Variants in TRMU observed in about 807,000 individuals in gnomAD.
TRMU encodes tRNA mitochondrial 2-thiouridylase.
TRMU carries 49 observed loss-of-function variants against 46.9 expected under a neutral mutation model. That is an observed-to-expected ratio of 1.05 (90% CI 0.83 to 1.33). TRMU has a LOEUF of 1.33. Ranked by LOEUF, TRMU falls within the 40% of genes most tolerant of loss-of-function variation. The probability of loss-of-function intolerance (pLI) is 0.00; values close to 1 mark genes in which losing one functional copy is unlikely to be tolerated. For missense variants in TRMU, 572 were observed against 532.4 expected (o/e 1.07, Z -0.73); for synonymous variants, 241 against 200.9 (o/e 1.20, Z -1.69).
rs2078279495 is a variant in TRMU at position 46,347,119 on chromosome 22, C to T, written c.478+575C>T. On this transcript the variant is annotated intron_variant, in intron 4 of 10. Transcript: ENST00000645190. This position sits in a 1 kb window ranked among gnomAD's most constrained non-coding sequence, Gnocchi z 5.0. ...CTGCTGGCCTGTCCTGGTGTACATT[C>T]GTGTGTAGAAAAGAGGAATTCCCTG... 2.0e-5 allele frequency among the ~76,000 whole-genome samples: 3 copies of T among 152,152 alleles called. No homozygotes were observed. Among genetic ancestry groups the T allele is most frequent in the African/African-American group, 4.8e-5 (2 of 41,420 alleles).
chr22:46,354,097 A>AC (rs1431927609), intron 8 of TRMU: 5 of 483,380 alleles, frequency 1.0e-5, no homozygotes, highest in African/African-American at 9.8e-5. Context: ...TCATCCCTGA[A>AC]CCCCGATACA....
intron 8 of TRMU, chr22:46,354,144 C>T (rs1050037285): frequency 7.5e-5 from 29 of 386,694 alleles, no homozygotes; most frequent in Admixed American, 2.6e-4. Flanking sequence ...AAGAGGACAG[C>T]GACGCCCAGA....
rs893711851 is a variant in TRMU at position 46,339,807 on chromosome 22, T to C, written c.248+1863T>C. Among the ~76,000 whole-genome samples, 8 of 152,174 alleles carry C rather than the reference T, an allele frequency of 5.3e-5. No individual in the cohort carries two copies. Among genetic ancestry groups the C allele is most frequent in the Admixed American group, 3.3e-4 (5 of 15,286 alleles). On this transcript the variant is annotated intron_variant, in intron 2 of 10. Coordinates refer to ENST00000645190, the MANE Select transcript of TRMU (RefSeq NM_018006.5). This position sits in a 1 kb window ranked among gnomAD's most constrained non-coding sequence, Gnocchi z 4.8. The stretch of plus-strand genomic sequence containing the variant: ...ATGGGTGTCGTATATATTAACAACA[T>C]GGACAAAACTGATGGCTGAATTTTC...
rs59115771 is a variant in TRMU, at chr22:46,350,959, G to A, written c.651+496G>A. Reference sequence around the variant, plus strand: ...ACAGTTCCATCTTCGCCTCCATGGAGCCCGCCCGCGAGTGGGGGACACAGG... The same window carrying A: ...ACAGTTCCATCTTCGCCTCCATGGAACCCGCCCGCGAGTGGGGGACACAGG... On this transcript the variant is annotated intron_variant, in intron 5 of 10. Coordinates refer to ENST00000645190, the MANE Select transcript of TRMU (RefSeq NM_018006.5). This position sits in a 1 kb window ranked among gnomAD's most constrained non-coding sequence, Gnocchi z 4.6. 0.063 allele frequency among the ~76,000 whole-genome samples: 9,636 copies of A among 152,310 alleles called. 380 individuals carry two copies. Among genetic ancestry groups the A allele is most frequent in the African/African-American group, 0.094 (3,916 of 41,568 alleles).
Position 46,352,257 on chromosome 22 carries a change from T to C in TRMU, c.706-7T>C. On this transcript the variant is annotated splice_region_variant and splice_polypyrimidine_tract_variant and intron_variant, in intron 6 of 10. Coordinates refer to ENST00000645190, the MANE Select transcript of TRMU (RefSeq NM_018006.5). ...TCTCCGTCGGTAATGACATGTTTGT[T>C]TTCCAGTATCTGCAGCCTCGACCTG... 1 of 1,614,170 alleles carries C rather than the reference T, an allele frequency of 6.2e-7. No individual in the cohort carries two copies. The highest frequency in any genetic ancestry group is 1.1e-5 in the South Asian group (1 of 91,088).
Position 46,351,693 on chromosome 22 carries a change from A to C in TRMU, c.652-428A>C. ...CACCCAGGCTCCCCAGCTAGGGCAG[A>C]TGTGCTTGAGGAAGGCGCCTCTCTC... On this transcript the variant is annotated intron_variant, in intron 5 of 10. Transcript: ENST00000645190. The surrounding 1 kb of genome is among the most constrained non-coding windows in gnomAD (Gnocchi z 6.4). 1 of 316,222 alleles carries C rather than the reference A, an allele frequency of 3.2e-6. No individual in the cohort carries two copies. Among genetic ancestry groups the C allele is most frequent in the Non-Finnish European group, 6.2e-6 (1 of 161,570 alleles). 19.6% of individuals were successfully genotyped at this position (316,222 alleles called of 1,614,324 possible).
At position 46,350,913 on chromosome 22, in the gene TRMU, C is replaced by T. The variant is rs1282132919; in HGVS notation, c.651+450C>T. On this transcript the variant is annotated intron_variant, in intron 5 of 10. Transcript: ENST00000645190. This position sits in a 1 kb window ranked among gnomAD's most constrained non-coding sequence, Gnocchi z 4.6. ...GTTCGGGCGCTGTGCTGCTGGGCCG[C>T]GAGGAATTGGTGACGCGCACACAGT... is the stretch of plus-strand genomic sequence containing the variant. 1.3e-5 allele frequency among the ~76,000 whole-genome samples: 2 copies of T among 152,170 alleles called. No individual in the cohort carries two copies. The highest frequency in any genetic ancestry group is 6.5e-5 in the Admixed American group (1 of 15,282).
intron 2 of TRMU, among the ~76,000 whole-genome samples, chr22:46,340,407 T>C (rs1319279140): frequency 2.0e-5 from 3 of 152,222 alleles, no homozygotes; most frequent in Non-Finnish European, 4.4e-5. Context: ...ACACTTCACC[T>C]GCCAGCACAG....
chr22:46,337,787 G>A lies in TRMU; in HGVS notation c.91G>A (p.Val31Met). The A allele has an allele frequency of 6.2e-7, 1 of 1,614,248 alleles. No individual in the cohort carries two copies. The highest frequency in any genetic ancestry group is 8.5e-7 in the Non-Finnish European group (1 of 1,180,048). The change falls in exon 2 of 11, where the codon GTG becomes ATG. Residue 31 changes from valine (V) to methionine (M), a missense_variant. Physicochemically the swap from Val to Met is conservative, Grantham distance 21. Coordinates refer to ENST00000645190, the MANE Select transcript of TRMU (RefSeq NM_018006.5). ...ALLLRRRGYQ[V>M]TGVFMKNWDS... ...GACCTTCCCGCCCGCAGGTTACCAG[G>A]TGACAGGGGTGTTTATGAAGAACTG...
chr22:46,346,419 C>T lies in TRMU; in HGVS notation c.356-3C>T. 6.2e-7 allele frequency: 1 copy of T among 1,612,258 alleles called. No individual in the cohort carries two copies. The highest frequency in any genetic ancestry group is 2.2e-5 in the East Asian group (1 of 44,832). On this transcript the variant is annotated splice_polypyrimidine_tract_variant and splice_region_variant and intron_variant, in intron 3 of 10. Coordinates refer to ENST00000645190, the MANE Select transcript of TRMU (RefSeq NM_018006.5). ...TGATCCTTGTGTTCTAAAAACCTCA[C>T]AGGGGCAGATGCCATTGCCACAGGT...
chr22:46,355,680 G>GA, intron 9 of TRMU, 92 bp downstream of exon 9: 1 of 1,595,558 alleles, frequency 6.3e-7, no homozygotes, highest in Non-Finnish European at 8.6e-7. Context: ...CCTGGGGTAG[G>GA]AAAGTCCCGT....
Position 46,348,525 on chromosome 22 carries a change from G to A in TRMU, c.479-1766G>A, listed in dbSNP as rs913949471. Among the ~76,000 whole-genome samples, 3 of 152,194 alleles carry A rather than the reference G, an allele frequency of 2.0e-5. No individual in the cohort carries two copies. Among genetic ancestry groups the A allele is most frequent in the Admixed American group, 1.3e-4 (2 of 15,286 alleles). On this transcript the variant is annotated intron_variant, in intron 4 of 10. Transcript: ENST00000645190. This position sits in a 1 kb window ranked among gnomAD's most constrained non-coding sequence, Gnocchi z 4.8. ...GGGTCGGTCAGCACCTGAGACCAGC[G>A]CTCCTAGGCCTGGCCTGTGACTGGG...
intron 8 of TRMU, chr22:46,354,169 T>G: frequency 2.7e-6 from 1 of 366,954 alleles, no homozygotes; most frequent in Admixed American, 3.8e-5. Context: ...GGGTGGCTCA[T>G]CCGGTGGAGA....
chr22:46,343,425 A>T, intron 3 of TRMU, 57 bp downstream of exon 3: 1 of 1,332,018 alleles, frequency 7.5e-7, no homozygotes, highest in African/African-American at 1.4e-5. Context: ...TCGCTCTGTC[A>T]CCCAGGCTGG....
chr22:46,353,937 G>T, intron 8 of TRMU, 70 bp downstream of exon 8: 1 of 1,426,904 alleles, frequency 7.0e-7, no homozygotes, highest in South Asian at 1.2e-5. Context: ...TCCAGACCAG[G>T]GCTTGAGAAG....
chr22:46,337,775 G>A lies in TRMU; in HGVS notation c.83-4G>A, dbSNP rs369925943. Reference sequence around the variant, plus strand: ...TTCTCTTTAATTGACCTTCCCGCCCGCAGGTTACCAGGTGACAGGGGTGTT... The same window carrying A: ...TTCTCTTTAATTGACCTTCCCGCCCACAGGTTACCAGGTGACAGGGGTGTT... On this transcript the variant is annotated splice_polypyrimidine_tract_variant and splice_region_variant and intron_variant, in intron 1 of 10. Transcript: ENST00000645190. The A allele has an allele frequency of 2.6e-5, 42 of 1,614,168 alleles. No homozygotes were observed. The Middle Eastern group carries it at 6.6e-4, about 25-fold the overall frequency.
Position 46,337,907 on chromosome 22 carries a change from G to A in TRMU, c.211G>A (p.Val71Met), listed in dbSNP as rs1304092949. 7.4e-6 allele frequency: 12 copies of A among 1,614,244 alleles called. No homozygotes were observed. The highest frequency in any genetic ancestry group is 1.0e-5 in the Non-Finnish European group (12 of 1,180,036). The change falls in exon 2 of 11, where the codon GTG becomes ATG. Residue 71 changes from valine (V) to methionine (M), a missense_variant. Val to Met is a conservative substitution (Grantham distance 21). Transcript: ENST00000645190. The stretch of plus-strand genomic sequence containing the variant: ...GATCTTAGACATCCCTTTCCATCAA[G>A]TGTCCTACGTAAAGGAGTATTGGAA... ...CQILDIPFHQ[V>M]SYVKEYWNDV...
rs1228875991 is a variant in TRMU, at chr22:46,348,556, T to C, written c.479-1735T>C. The stretch of plus-strand genomic sequence containing the variant: ...AGGCCTGGCCTGTGACTGGGCTGAT[T>C]TTCCCCCACACAGCGTGCTACCACC... On this transcript the variant is annotated intron_variant, in intron 4 of 10. Coordinates refer to ENST00000645190, the MANE Select transcript of TRMU (RefSeq NM_018006.5). The surrounding 1 kb of genome is among the most constrained non-coding windows in gnomAD (Gnocchi z 4.8). Among the ~76,000 whole-genome samples the C allele has an allele frequency of 3.3e-5, 5 of 152,106 alleles. No homozygotes were observed.
chr22:46,340,856 G>A (rs898415018), intron 2 of TRMU, among the ~76,000 whole-genome samples: 3 of 152,258 alleles, frequency 2.0e-5, no homozygotes, highest in Admixed American at 6.5e-5. Flanking sequence ...CGGCCGGGTA[G>A]AGTCTTTTCC....
Sources: allele counts gnomAD v4.1 joint callset (sites outside exome capture counted in the v4.1 genomes callset), GRCh38; gene constraint gnomAD v4.1.1; non-coding constraint Gnocchi (gnomAD v3.1); transcripts MANE v1.5; gene names NCBI Gene and HGNC (gene_info 2026-07-23, HGNC 2026-07-21).